Variants in SNX2 observed in about 807,000 individuals in gnomAD.
The protein encoded by SNX2 is sorting nexin 2, also known as sorting nexin-2.
A neutral mutation model predicts 69.9 loss-of-function variants in SNX2; 25 were observed. The ratio of observed to expected loss-of-function variants is 0.36; its 90% confidence interval spans 0.26 to 0.50. SNX2 has a LOEUF of 0.50. Ranked by LOEUF, SNX2 falls within the 20% of genes least tolerant of loss-of-function variation. The probability of loss-of-function intolerance (pLI) is 0.97; values close to 1 mark genes in which losing one functional copy is unlikely to be tolerated. For synonymous variants in SNX2, 229 were observed against 200.4 expected, an observed-to-expected ratio of 1.14 and a Z score of -1.20; for missense variants, 551 against 613.3, an observed-to-expected ratio of 0.90 and a Z score of 1.07.
At position 122,830,534 on chromosome 5, in the gene SNX2, A is replaced by G. The variant is rs1754262499; in HGVS notation, c.*886A>G. The stretch of plus-strand genomic sequence containing the variant: ...TTTTCTTTTAAACTAAAAGTATATC[A>G]TCTGTGCTCACAGTTGACAAGGAAT... On this transcript the variant is annotated 3_prime_UTR_variant, in exon 15 of 15. Coordinates refer to ENST00000379516, the MANE Select transcript of SNX2 (RefSeq NM_003100.4). Among the ~76,000 whole-genome samples the G allele has an allele frequency of 6.6e-6, 1 of 152,142 alleles. No homozygotes were observed.
intron 7 of SNX2, among the ~76,000 whole-genome samples, chr5:122,813,550 C>T (rs1449643923): frequency 6.6e-6 from 1 of 151,866 alleles, no homozygotes; most frequent in Non-Finnish European, 1.5e-5. Flanking sequence ...GGGTTATTTT[C>T]TGTAGGAGTT....
At chr5:122,799,606 A>G in intron 2 of SNX2, 86 bp from the exon 3 acceptor site, 1 of 787,240 alleles carries the variant, frequency 1.3e-6, no homozygotes, top group Non-Finnish European at 1.9e-6. Flanking sequence ...ATATAAAAAT[A>G]TTTTTTATAA....
intron 11 of SNX2, among the ~76,000 whole-genome samples, chr5:122,824,810 A>G (rs1025365488): frequency 2.6e-5 from 4 of 152,218 alleles, no homozygotes; most frequent in Non-Finnish European, 5.9e-5. Flanking sequence ...CTACATTTAC[A>G]TGTGTATGTT....
At chr5:122,816,879 C>T (rs561800834) in intron 8 of SNX2, 36 bp from the exon 9 acceptor site, 2 of 1,305,556 alleles carry the variant, frequency 1.5e-6, no homozygotes, top group Non-Finnish European at 2.2e-6. Context: ...AGGCTTTTAA[C>T]CGGTTTGTTT....
intron 1 of SNX2, among the ~76,000 whole-genome samples, chr5:122,794,700 A>G (rs947060614): frequency 9.2e-5 from 14 of 152,176 alleles, no homozygotes; most frequent in Admixed American, 2.6e-4. Context: ...CAGTATGACA[A>G]ACTAGTACCT....
At chr5:122,792,338 A>G (rs745532137) in intron 1 of SNX2, among the ~76,000 whole-genome samples, 2 of 152,252 alleles carry the variant, frequency 1.3e-5, no homozygotes, top group African/African-American at 2.4e-5. Flanking sequence ...TCACGCCTGT[A>G]ATCCCAACAC....
chr5:122,792,320 G>A (rs780615821), intron 1 of SNX2, among the ~76,000 whole-genome samples: 14 of 152,182 alleles, frequency 9.2e-5, no homozygotes, highest in South Asian at 2.1e-4. Flanking sequence ...ACTGTTGGGC[G>A]CAGTGGCTCA....
rs746246785 is a variant in SNX2 at position 122,827,666 on chromosome 5, A to C, written c.1509+20A>C. On this transcript the variant is annotated intron_variant, in intron 14 of 14. Coordinates refer to ENST00000379516, the MANE Select transcript of SNX2 (RefSeq NM_003100.4). ...CAACAGGTAAGCCATTTTTGTTTAT[A>C]ACTTAAACTTCTAGAATTTGTTTTT... 3 of 1,554,856 alleles carry C rather than the reference A, an allele frequency of 1.9e-6. No homozygotes were observed. The highest frequency in any genetic ancestry group is 2.3e-5 in the South Asian group (2 of 88,318).
chr5:122,779,654 T>C (rs1752928113), intron 1 of SNX2, among the ~76,000 whole-genome samples: 3 of 152,242 alleles, frequency 2.0e-5, no homozygotes, highest in Non-Finnish European at 4.4e-5. Flanking sequence ...CTGGGTTATG[T>C]GGTAACTCCA....
intron 1 of SNX2, among the ~76,000 whole-genome samples, chr5:122,794,683 T>A (rs1170026505): frequency 6.6e-6 from 1 of 152,198 alleles, no homozygotes; most frequent in Non-Finnish European, 1.5e-5. Context: ...TTTTGTTAAT[T>A]ATAACTCAGT....
At chr5:122,780,887 T>C (rs750408477) in intron 1 of SNX2, among the ~76,000 whole-genome samples, 1 of 152,190 alleles carries the variant, frequency 6.6e-6, no homozygotes, top group Non-Finnish European at 1.5e-5. Flanking sequence ...TAATTCTGTT[T>C]TCTAATCCTT....
chr5:122,778,777 A>G (rs1752908139), intron 1 of SNX2, among the ~76,000 whole-genome samples: 1 of 152,072 alleles, frequency 6.6e-6, no homozygotes, highest in Non-Finnish European at 1.5e-5. Flanking sequence ...TTTTTTTCTT[A>G]TGTGTATATT....
At chr5:122,805,689 A>G (rs578022892) in intron 6 of SNX2, among the ~76,000 whole-genome samples, 2 of 152,194 alleles carry the variant, frequency 1.3e-5, no homozygotes, top group South Asian at 4.1e-4. Context: ...AAAGTGTTGA[A>G]TCAGGGATGG....
chr5:122,817,822 T>G (rs1753934626), intron 10 of SNX2, among the ~76,000 whole-genome samples: 1 of 152,254 alleles, frequency 6.6e-6, no homozygotes, highest in African/African-American at 2.4e-5. Context: ...GTCTATTTCC[T>G]GTAAAACCCT....
At chr5:122,803,779 T>G (rs1235949233) in intron 6 of SNX2, 166 bp downstream of exon 6, 2 of 523,074 alleles carry the variant, frequency 3.8e-6, no homozygotes, top group Non-Finnish European at 6.6e-6. Context: ...GATTGAAGAA[T>G]GTATTGGTAA....
At chr5:122,817,448 T>C in intron 10 of SNX2, 75 bp downstream of exon 10, 1 of 945,920 alleles carries the variant, frequency 1.1e-6, no homozygotes, top group Non-Finnish European at 1.6e-6. Context: ...TTTATGAAAA[T>C]AAATATTCTG....
intron 1 of SNX2, among the ~76,000 whole-genome samples, chr5:122,780,693 C>T (rs1173500281): frequency 2.0e-5 from 3 of 151,636 alleles, no homozygotes; most frequent in Non-Finnish European, 4.4e-5. Flanking sequence ...CCTCAGCCTT[C>T]CACGTAGCTG....
intron 7 of SNX2, among the ~76,000 whole-genome samples, chr5:122,809,921 G>T (rs1490499844): frequency 6.6e-6 from 1 of 151,834 alleles, no homozygotes; most frequent in East Asian, 1.9e-4. Flanking sequence ...AGAAGTTTAG[G>T]TTAGGCATTT....
intron 1 of SNX2, among the ~76,000 whole-genome samples, chr5:122,794,593 A>T (rs1422605190): frequency 6.6e-6 from 1 of 152,244 alleles, no homozygotes; most frequent in Non-Finnish European, 1.5e-5. Flanking sequence ...TAACAAAAAC[A>T]AAATTAGGGA....
Sources: gnomAD v4.1 joint callset for allele counts (sites outside exome capture counted in the v4.1 genomes callset) on GRCh38, gnomAD v4.1.1 for gene constraint, MANE v1.5 for transcripts, NCBI Gene and HGNC (gene_info 2026-07-23, HGNC 2026-07-21) for gene names.